The following PTPRD variants were observed in gnomAD, a reference collection of about 807,000 sequenced individuals.
PTPRD encodes the protein protein tyrosine phosphatase receptor type D, also known as receptor-type tyrosine-protein phosphatase delta.
PTPRD carries 34 observed loss-of-function variants against 214.5 expected under a neutral mutation model. The ratio of observed to expected loss-of-function variants is 0.16; its 90% CI spans 0.12 to 0.21. The LOEUF (loss-of-function observed/expected upper bound fraction) is 0.21, where lower values mean the gene tolerates loss of function less well. PTPRD is among the 10% of genes least tolerant of loss of function. The pLI, the probability that PTPRD is intolerant of heterozygous loss-of-function variation, is 1.00. For missense variants in PTPRD, 2,545 were observed against 2,398.7 expected (o/e 1.06, Z -1.27); for synonymous variants, 1,128 against 845.7 (o/e 1.33, Z -5.79).
chr9:9,089,038 C>A (rs2099771738), intron 10 of PTPRD, among the ~76,000 whole-genome samples: 1 of 152,066 alleles, frequency 6.6e-6, no homozygotes, highest in Non-Finnish European at 1.5e-5. Context: ...CCTATTTTTA[C>A]CCCCTAGTAA....
At chr9:9,238,846 A>G (rs2099968735) in intron 9 of PTPRD, among the ~76,000 whole-genome samples, 1 of 152,170 alleles carries the variant, frequency 6.6e-6, no homozygotes, top group African/African-American at 2.4e-5. Flanking sequence ...TTGGTCTCCA[A>G]AATATAACTT....
chr9:8,596,254 T>G (rs1459044021), intron 14 of PTPRD, among the ~76,000 whole-genome samples: 4 of 152,022 alleles, frequency 2.6e-5, no homozygotes, highest in Non-Finnish European at 5.9e-5. Flanking sequence ...TATATGGATT[T>G]TATGGATTAT....
At chr9:9,577,143 C>A (rs1200623708) in intron 7 of PTPRD, among the ~76,000 whole-genome samples, 1 of 152,076 alleles carries the variant, frequency 6.6e-6, no homozygotes, top group Non-Finnish European at 1.5e-5. Flanking sequence ...CTTCCAAGGA[C>A]AAATCCAAAT....
rs368036566 is a variant in PTPRD at position 10,306,280 on chromosome 9, G to T, written c.-545+34683C>A. Among the ~76,000 whole-genome samples the T allele has an allele frequency of 9.9e-5, 15 of 151,784 alleles. No homozygotes were observed. The East Asian group carries it at 2.2e-3, about 22-fold the overall frequency. ...CATGCTGGGGCCTGTCGTGGGGTGG[G>T]GGGGGCTAGGGGAGGGATAGCATTA... On this transcript the variant is annotated intron_variant, in intron 3 of 45. Transcript: ENST00000381196.
chr9:10,259,589 G>A (rs895443201), intron 3 of PTPRD, among the ~76,000 whole-genome samples: 6 of 152,226 alleles, frequency 3.9e-5, no homozygotes, highest in African/African-American at 1.4e-4. Context: ...AGTGTCAGTG[G>A]TGATGATTTT....
chr9:10,089,653 A>T (rs971680654), intron 3 of PTPRD, among the ~76,000 whole-genome samples: 10 of 151,684 alleles, frequency 6.6e-5, no homozygotes, highest in Admixed American at 5.3e-4. Flanking sequence ...ACAACAGAAT[A>T]AGGTATAACT....
chr9:9,794,527 T>C (rs10977981), intron 5 of PTPRD, among the ~76,000 whole-genome samples: 15,252 of 151,620 alleles, frequency 0.1, 885 homozygotes, highest in Middle Eastern at 0.17. Flanking sequence ...AATAGAGAGG[T>C]AAGTGAGGGA....
At chr9:9,411,695 G>T (rs1376914731) in intron 8 of PTPRD, among the ~76,000 whole-genome samples, 1 of 152,206 alleles carries the variant, frequency 6.6e-6, no homozygotes, top group Admixed American at 6.5e-5. Context: ...ATTACCACCA[G>T]AGGCAAATGG....
intron 10 of PTPRD, among the ~76,000 whole-genome samples, chr9:9,181,844 C>T (rs530119105): frequency 1.0e-3 from 157 of 152,124 alleles, no homozygotes; most frequent in African/African-American, 3.6e-3. Flanking sequence ...AAAATAGGAA[C>T]ATCACTTGTA....
chr9:10,327,175 A>G (rs34112901), intron 3 of PTPRD, among the ~76,000 whole-genome samples: 5,208 of 73,366 alleles, frequency 0.071, 305 homozygotes, highest in Admixed American at 0.26. Context: ...GTGTGTGTAT[A>G]TATATATATA....
chr9:8,324,298 C>A (rs1006384866), intron 44 of PTPRD, among the ~76,000 whole-genome samples: 3 of 152,028 alleles, frequency 2.0e-5, no homozygotes, highest in South Asian at 2.1e-4. Context: ...CGCTTCCCTG[C>A]GTCCACGTGT....
At chr9:9,492,599 T>C (rs2095966254) in intron 8 of PTPRD, among the ~76,000 whole-genome samples, 1 of 152,072 alleles carries the variant, frequency 6.6e-6, no homozygotes, top group East Asian at 1.9e-4. Flanking sequence ...ACAAAATTCA[T>C]CATCTTTTCA....
chr9:9,190,152 G>A (rs936810282), intron 9 of PTPRD, among the ~76,000 whole-genome samples: 1 of 152,050 alleles, frequency 6.6e-6, no homozygotes, highest in Non-Finnish European at 1.5e-5. Flanking sequence ...GAGGTGATTA[G>A]GTCATGAGGG....
intron 3 of PTPRD, among the ~76,000 whole-genome samples, chr9:10,089,920 C>A (rs1015895449): frequency 3.3e-5 from 5 of 151,558 alleles, no homozygotes; most frequent in African/African-American, 1.2e-4. Flanking sequence ...TAAAAATATC[C>A]TGGGAAAGCA....
intron 14 of PTPRD, among the ~76,000 whole-genome samples, chr9:8,547,338 G>A (rs1309872152): frequency 6.6e-6 from 1 of 152,068 alleles, no homozygotes; most frequent in Admixed American, 6.6e-5. Context: ...AAAAAATAAA[G>A]GAAGAAAGAA....
chr9:9,926,889 A>C (rs980763291), intron 5 of PTPRD, among the ~76,000 whole-genome samples: 3 of 152,176 alleles, frequency 2.0e-5, no homozygotes, highest in African/African-American at 4.8e-5. Context: ...ATTTATTACA[A>C]ATGGAAAAAG....
intron 7 of PTPRD, among the ~76,000 whole-genome samples, chr9:9,595,310 AT>A (rs2093215344): frequency 1.3e-5 from 1 of 79,574 alleles, no homozygotes; most frequent in African/African-American, 3.1e-5. Context: ...ATATATATAT[AT>A]TATATATATT....
chr9:9,899,018 GTAAC>G (rs973358796), intron 5 of PTPRD, among the ~76,000 whole-genome samples: 4 of 152,046 alleles, frequency 2.6e-5, no homozygotes, highest in Non-Finnish European at 5.9e-5. Flanking sequence ...AAAATTTTCT[GTAAC>G]TAATAAGTGA....
chr9:10,083,440 T>C (rs950852748), intron 3 of PTPRD, among the ~76,000 whole-genome samples: 3 of 152,058 alleles, frequency 2.0e-5, no homozygotes, highest in African/African-American at 7.2e-5. Flanking sequence ...TAAAGAGAAA[T>C]AGATATACTT....
Sources: allele counts gnomAD v4.1 joint callset (sites outside exome capture counted in the v4.1 genomes callset), GRCh38; gene constraint gnomAD v4.1.1; transcripts MANE v1.5; gene names NCBI Gene and HGNC (gene_info 2026-07-23, HGNC 2026-07-21).